The following LRRTM4 variants were observed in gnomAD, a reference collection of about 807,000 sequenced individuals.
The protein encoded by LRRTM4 is leucine rich repeat transmembrane neuronal 4.
Under a neutral mutation model 47.6 loss-of-function variants are expected in LRRTM4, and 25 were observed. That is an observed-to-expected ratio of 0.53 (90% CI 0.38 to 0.73). The LOEUF (loss-of-function observed/expected upper bound fraction) is 0.73. Ranked by LOEUF, LRRTM4 falls within the 30% of genes least tolerant of loss-of-function variation. The pLI is 0.00. For synonymous variants in LRRTM4, 311 were observed against 269.5 expected, an observed-to-expected ratio of 1.15 and a Z score of -1.51; for missense variants, 638 against 713.4, an observed-to-expected ratio of 0.89 and a Z score of 1.20.
intron 3 of LRRTM4, among the ~76,000 whole-genome samples, chr2:76,782,764 A>C (rs1674471612): frequency 6.6e-6 from 1 of 152,144 alleles, no homozygotes; most frequent in Non-Finnish European, 1.5e-5. Context: ...ATCCACATAT[A>C]AGTGGATCCA....
At chr2:76,908,135 C>G (rs1266277173) in intron 3 of LRRTM4, among the ~76,000 whole-genome samples, 3 of 149,988 alleles carry the variant, frequency 2.0e-5, no homozygotes, top group Non-Finnish European at 4.5e-5. Flanking sequence ...CATCAAAAAG[C>G]TTATCCACCA....
chr2:77,431,961 C>T (rs1675395982), intron 3 of LRRTM4, among the ~76,000 whole-genome samples: 2 of 152,012 alleles, frequency 1.3e-5, no homozygotes, highest in Admixed American at 6.6e-5. Flanking sequence ...GTAGTCCCAG[C>T]TACTTGGGAG....
At chr2:76,805,284 T>G (rs979063445) in intron 3 of LRRTM4, among the ~76,000 whole-genome samples, 1 of 152,148 alleles carries the variant, frequency 6.6e-6, no homozygotes, top group Non-Finnish European at 1.5e-5. Context: ...CATTTACTTA[T>G]GATGGAACCA....
intron 3 of LRRTM4, among the ~76,000 whole-genome samples, chr2:76,804,616 T>C (rs921921708): frequency 6.7e-6 from 1 of 148,404 alleles, no homozygotes; most frequent in Non-Finnish European, 1.5e-5. Context: ...ACTATACATA[T>C]GCATAGTATC....
At chr2:77,083,402 A>C (rs547237349) in intron 3 of LRRTM4, among the ~76,000 whole-genome samples, 1 of 152,314 alleles carries the variant, frequency 6.6e-6, no homozygotes, top group South Asian at 2.1e-4. Context: ...AAACAACATA[A>C]GATGTGCCAT....
intron 3 of LRRTM4, among the ~76,000 whole-genome samples, chr2:77,458,389 G>A (rs1558752970): frequency 6.6e-6 from 1 of 152,058 alleles, no homozygotes; most frequent in Non-Finnish European, 1.5e-5. Flanking sequence ...CTGGGTCAGT[G>A]GCACTCTTTA....
chr2:77,246,615 A>G (rs1675453617), intron 3 of LRRTM4, among the ~76,000 whole-genome samples: 2 of 152,172 alleles, frequency 1.3e-5, no homozygotes, highest in South Asian at 4.1e-4. Flanking sequence ...ATTCTATTCT[A>G]GAAAACTTCT....
At chr2:77,241,605 A>G (rs952614178) in intron 3 of LRRTM4, among the ~76,000 whole-genome samples, 10 of 149,736 alleles carry the variant, frequency 6.7e-5, no homozygotes, top group Middle Eastern at 3.4e-3. Context: ...GAGATTAGGT[A>G]TGGAATGTAT....
At chr2:77,491,360 C>CAA (rs199736457) in intron 3 of LRRTM4, among the ~76,000 whole-genome samples, 4 of 149,456 alleles carry the variant, frequency 2.7e-5, no homozygotes, top group Non-Finnish European at 3.0e-5. Flanking sequence ...GGAGGTAAAA[C>CAA]AAAAAAAAAT....
At chr2:76,767,121 T>C (rs1673487314) in intron 3 of LRRTM4, among the ~76,000 whole-genome samples, 1 of 152,174 alleles carries the variant, frequency 6.6e-6, no homozygotes, top group Non-Finnish European at 1.5e-5. Flanking sequence ...ACTACTCCTA[T>C]TTCTACAAAA....
chr2:76,968,489 T>G (rs1289249812), intron 3 of LRRTM4, among the ~76,000 whole-genome samples: 1 of 150,300 alleles, frequency 6.7e-6, no homozygotes, highest in East Asian at 2.0e-4. Context: ...TCCATCTACC[T>G]ATCTATTTGT....
intron 3 of LRRTM4, among the ~76,000 whole-genome samples, chr2:77,242,091 C>T (rs1283295836): frequency 6.6e-6 from 1 of 152,066 alleles, no homozygotes; most frequent in Non-Finnish European, 1.5e-5. Context: ...CAGCATTGTT[C>T]TTCCTTTTAA....
At chr2:76,759,820 G>A (rs1011045197) in intron 3 of LRRTM4, among the ~76,000 whole-genome samples, 1 of 152,028 alleles carries the variant, frequency 6.6e-6, no homozygotes, top group Admixed American at 6.6e-5. Flanking sequence ...TTCTAGAGGG[G>A]CCTTCTCTAA....
At chr2:77,382,700 T>C (rs535170649) in intron 3 of LRRTM4, among the ~76,000 whole-genome samples, 1 of 152,222 alleles carries the variant, frequency 6.6e-6, no homozygotes, top group East Asian at 1.9e-4. Context: ...TAGTGGGAAA[T>C]CATGCCTCTG....
In LRRTM4 at chr2:77,404,632, A is replaced by T. The variant is rs374297103; in HGVS notation, c.1551+113686T>A. Among the ~76,000 whole-genome samples the T allele has an allele frequency of 4.1e-4, 63 of 152,254 alleles. 1 individual carries two copies. In the South Asian group the frequency reaches 0.011, roughly 27 times the overall value. On this transcript the variant is annotated intron_variant, in intron 3 of 3. Coordinates refer to ENST00000409884, the MANE Select transcript of LRRTM4 (RefSeq NM_001134745.3). ...ACAGTGGCTTAACATATACATCATA[A>T]TTATAGTTTGACCTCTCACTACCTT...
intron 3 of LRRTM4, among the ~76,000 whole-genome samples, chr2:76,875,741 G>C (rs1369671180): frequency 1.3e-5 from 2 of 152,098 alleles, no homozygotes; most frequent in African/African-American, 2.4e-5. Context: ...AAAGTTTAAG[G>C]TGTGTATCTA....
intron 3 of LRRTM4, among the ~76,000 whole-genome samples, chr2:77,278,044 T>G (rs1326693625): frequency 6.6e-6 from 1 of 151,978 alleles, no homozygotes; most frequent in Non-Finnish European, 1.5e-5. Flanking sequence ...TGAAGGCTAA[T>G]TACCATGTTG....
chr2:76,774,028 C>T (rs1673839151), intron 3 of LRRTM4, among the ~76,000 whole-genome samples: 1 of 151,946 alleles, frequency 6.6e-6, no homozygotes, highest in Admixed American at 6.6e-5. Context: ...AGTCAAAATC[C>T]ATATATATCT....
intron 3 of LRRTM4, among the ~76,000 whole-genome samples, chr2:77,336,478 T>C (rs1671173809): frequency 1.3e-5 from 2 of 152,096 alleles, no homozygotes; most frequent in Non-Finnish European, 2.9e-5. Flanking sequence ...AACAGAATAC[T>C]AGCAAACTGA....
Sources: allele counts gnomAD v4.1 joint callset (sites outside exome capture counted in the v4.1 genomes callset), GRCh38; gene constraint gnomAD v4.1.1; transcripts MANE v1.5; gene names NCBI Gene and HGNC (gene_info 2026-07-23, HGNC 2026-07-21).